Variants in DOCK2 observed in about 807,000 individuals in gnomAD.
DOCK2 encodes the protein dedicator of cytokinesis 2, also known as dedicator of cytokinesis protein 2.
DOCK2 carries 87 observed loss-of-function variants against 248.9 expected under a neutral mutation model. The ratio of observed to expected loss-of-function variants is 0.35; its 90% confidence interval spans 0.29 to 0.42. The LOEUF is 0.42. Ranked by LOEUF, DOCK2 falls within the 10% of genes least tolerant of loss-of-function variation. The probability of loss-of-function intolerance (pLI) is 1.00; values close to 1 mark genes in which losing one functional copy is unlikely to be tolerated. For synonymous variants in DOCK2, 805 were observed against 821.6 expected (o/e 0.98, Z 0.35); for missense variants, 1,747 against 2,300.2 (o/e 0.76, Z 4.92).
At chr5:169,923,658 T>C (rs1775294617) in intron 27 of DOCK2, among the ~76,000 whole-genome samples, 1 of 152,240 alleles carries the variant, frequency 6.6e-6, no homozygotes, top group Non-Finnish European at 1.5e-5. Flanking sequence ...TAATATTGCT[T>C]CAAAGAAGGT....
intron 6 of DOCK2, among the ~76,000 whole-genome samples, chr5:169,680,082 C>T (rs573170818): frequency 1.3e-5 from 2 of 152,286 alleles, no homozygotes; most frequent in East Asian, 3.9e-4. Flanking sequence ...CTCCACAACC[C>T]ATATACTGCT....
chr5:169,709,893 G>A (rs141597647), intron 15 of DOCK2, among the ~76,000 whole-genome samples: 126 of 152,340 alleles, frequency 8.3e-4, no homozygotes, highest in African/African-American at 2.7e-3. Flanking sequence ...TGCAGAGCAC[G>A]TCCCAAAACT....
Position 169,895,944 on chromosome 5 carries a change from G to A in DOCK2, c.2799+55092G>A, listed in dbSNP as rs114191520. On this transcript the variant is annotated intron_variant, in intron 27 of 51. Transcript: ENST00000520908. ...TATTTTCTGGCCTGGAGATGTCCCCGATTACCACTACCCTTGTCTTGCCTG... is the reference window on the plus strand; with the variant it reads ...TATTTTCTGGCCTGGAGATGTCCCCAATTACCACTACCCTTGTCTTGCCTG... 2.7e-3 allele frequency among the ~76,000 whole-genome samples: 406 copies of A among 152,236 alleles called. 2 individuals carry two copies. Among genetic ancestry groups the A allele is most frequent in the African/African-American group, 9.1e-3 (378 of 41,538 alleles).
intron 50 of DOCK2, 136 bp from the exon 51 acceptor site, chr5:170,081,706 G>A (rs146080331): frequency 2.0e-6 from 2 of 1,002,608 alleles, no homozygotes; most frequent in East Asian, 5.4e-5. Context: ...TAGGCATCCT[G>A]CCTCCTGCTT....
intron 21 of DOCK2, among the ~76,000 whole-genome samples, 155 bp downstream of exon 21, chr5:169,717,639 A>G (rs1761976380): frequency 6.6e-6 from 1 of 152,186 alleles, no homozygotes; most frequent in South Asian, 2.1e-4. Flanking sequence ...GGTTATTTGG[A>G]TATCATTAAA....
chr5:170,068,371 G>GT (rs1757568141), intron 45 of DOCK2, among the ~76,000 whole-genome samples: 1 of 152,194 alleles, frequency 6.6e-6, no homozygotes. Flanking sequence ...TTTTCACCTA[G>GT]CAGACACTGA....
Position 170,031,203 on chromosome 5 carries a change from A to C in DOCK2, c.3468-3196A>C, listed in dbSNP as rs570840134. On this transcript the variant is annotated intron_variant, in intron 34 of 51. Transcript: ENST00000520908. ...GGTGAGGGAATCGGAAGGTTGAAGC[A>C]GATAGATGTATGTTCTTGGGCCTTT... 3.3e-5 allele frequency among the ~76,000 whole-genome samples: 5 copies of C among 152,362 alleles called. No homozygotes were observed. The South Asian group carries it at 8.3e-4, about 25-fold the overall frequency.
intron 27 of DOCK2, among the ~76,000 whole-genome samples, chr5:169,932,429 T>C (rs530266779): frequency 3.9e-5 from 6 of 152,038 alleles, no homozygotes; most frequent in Non-Finnish European, 7.4e-5. Flanking sequence ...GGAAGGAAGA[T>C]GGCAGCTGCC....
In DOCK2 at chr5:169,890,241, C is replaced by T. The variant is rs372635805; in HGVS notation, c.2799+49389C>T. Among the ~76,000 whole-genome samples the T allele has an allele frequency of 2.0e-5, 3 of 152,170 alleles. No individual in the cohort carries two copies. The South Asian group carries it at 6.2e-4, about 32-fold the overall frequency. On this transcript the variant is annotated intron_variant, in intron 27 of 51. Coordinates refer to ENST00000520908, the MANE Select transcript of DOCK2 (RefSeq NM_004946.3). ...GTCCTGTTTCCTCAGTTACAGGATGCATTTCTAAAGTGTAGGGATATGTCT... is the reference window on the plus strand; with the variant it reads ...GTCCTGTTTCCTCAGTTACAGGATGTATTTCTAAAGTGTAGGGATATGTCT...
chr5:169,832,815 C>T (rs2113297155), intron 26 of DOCK2, among the ~76,000 whole-genome samples: 1 of 152,188 alleles, frequency 6.6e-6, no homozygotes, highest in South Asian at 2.1e-4. Flanking sequence ...TAGATTGCTG[C>T]TGTTTTCACT....
chr5:169,928,985 T>C (rs1775613124), intron 27 of DOCK2, among the ~76,000 whole-genome samples: 1 of 152,166 alleles, frequency 6.6e-6, no homozygotes, highest in South Asian at 2.1e-4. Flanking sequence ...GCCAAACATG[T>C]AGGATGAGGA....
At chr5:169,986,199 A>C (rs1017640273) in intron 29 of DOCK2, among the ~76,000 whole-genome samples, 2 of 152,218 alleles carry the variant, frequency 1.3e-5, no homozygotes, top group African/African-American at 4.8e-5. Context: ...AGATCTTAGA[A>C]AAGCATTTTA....
chr5:169,964,613 T>C (rs17071934), intron 27 of DOCK2, among the ~76,000 whole-genome samples: 16,469 of 152,228 alleles, frequency 0.11, 976 homozygotes, highest in Admixed American at 0.18. Flanking sequence ...GAAGGGGCCA[T>C]GGTCAAAGTT....
chr5:170,050,197 T>C, intron 40 of DOCK2, 59 bp from the exon 41 acceptor site: 1 of 1,591,598 alleles, frequency 6.3e-7, no homozygotes, highest in Admixed American at 1.7e-5. Flanking sequence ...CCAGCTTTGC[T>C]TGGCCCCTTT....
Position 170,057,633 on chromosome 5 carries a change from C to T in DOCK2, c.4434C>T (p.Ile1478=). 4 of 1,613,864 alleles carry T rather than the reference C, an allele frequency of 2.5e-6. No homozygotes were observed. The highest frequency in any genetic ancestry group is 3.4e-6 in the Non-Finnish European group (4 of 1,179,850). The change falls in exon 44 of 52, where the codon ATC becomes ATT. Residue 1478 remains isoleucine (I), a synonymous_variant. Coordinates refer to ENST00000520908, the MANE Select transcript of DOCK2 (RefSeq NM_004946.3). The part of the protein sequence containing the change: ...SFVTAYKLPG[I]LRWFEVVHMS... ...TGACTGCATACAAGCTGCCGGGGAT[C>T]CTGCGCTGGTTTGAGGTGGTGCACA...
intron 25 of DOCK2, among the ~76,000 whole-genome samples, chr5:169,797,304 G>T (rs1435072579): frequency 2.0e-5 from 3 of 152,218 alleles, no homozygotes; most frequent in African/African-American, 7.2e-5. Flanking sequence ...GATTTTGGCT[G>T]GATGCACCTC....
intron 25 of DOCK2, among the ~76,000 whole-genome samples, chr5:169,789,418 G>A (rs748695720): frequency 1.3e-5 from 2 of 152,196 alleles, no homozygotes; most frequent in Non-Finnish European, 2.9e-5. Context: ...AATGTAATAT[G>A]TTTCATTGTA....
At chr5:169,700,166 C>G in intron 13 of DOCK2, 27 bp downstream of exon 13, 1 of 1,608,510 alleles carries the variant, frequency 6.2e-7, no homozygotes, top group East Asian at 2.2e-5. Flanking sequence ...CTGACCTTCC[C>G]CTGGGGACAT....
chr5:169,728,993 T>C (rs1561642885), intron 22 of DOCK2, among the ~76,000 whole-genome samples: 1 of 152,180 alleles, frequency 6.6e-6, no homozygotes, highest in Non-Finnish European at 1.5e-5. Flanking sequence ...TGTTAACTCA[T>C]TATTGGAAAT....
Sources: allele counts gnomAD v4.1 joint callset (sites outside exome capture counted in the v4.1 genomes callset), GRCh38; gene constraint gnomAD v4.1.1; transcripts MANE v1.5; gene names NCBI Gene and HGNC (gene_info 2026-07-23, HGNC 2026-07-21).